Variants in HCRTR2 observed in about 807,000 individuals in gnomAD.
HCRTR2 encodes the protein hypocretin receptor 2.
In HCRTR2, 22 loss-of-function variants were observed where a neutral mutation model predicts 49.0. That is an observed-to-expected ratio of 0.45 (90% confidence interval 0.32 to 0.64). The LOEUF is 0.64. HCRTR2 is among the 30% of genes least tolerant of loss of function. HCRTR2 has a pLI of 0.04. For missense variants in HCRTR2, 491 were observed against 559.4 expected, an observed-to-expected ratio of 0.88 and a Z score of 1.23; for synonymous variants, 236 against 205.3, an observed-to-expected ratio of 1.15 and a Z score of -1.28.
rs1272917600 is a variant in HCRTR2, at chr6:55,258,060, C to T, written c.646+2681C>T. On this transcript the variant is annotated intron_variant, in intron 3 of 6. Transcript: ENST00000370862. Reference sequence around the variant, plus strand: ...TGTAAACTATTTATAAGTCCATGTTCGACTTATAATGTTAAACCTTTGTAT... The same window carrying T: ...TGTAAACTATTTATAAGTCCATGTTTGACTTATAATGTTAAACCTTTGTAT... Among the ~76,000 whole-genome samples the T allele has an allele frequency of 2.4e-4, 37 of 151,840 alleles. 1 individual carries two copies. The highest frequency in any genetic ancestry group is 1.9e-4 in the East Asian group (1 of 5,182).
upstream of HCRTR2, among the ~76,000 whole-genome samples, chr6:55,173,120 G>C (rs1222508653): frequency 6.6e-6 from 1 of 152,234 alleles, no homozygotes; most frequent in Non-Finnish European, 1.5e-5. Flanking sequence ...CGCTGGGGCT[G>C]TGATGTTTAT....
chr6:55,262,739 AATAT>A (rs1235159292), intron 3 of HCRTR2, among the ~76,000 whole-genome samples: 2 of 118,282 alleles, frequency 1.7e-5, no homozygotes, highest in African/African-American at 6.8e-5. Flanking sequence ...TAAGGTAGGG[AATAT>A]ATATATATGT....
chr6:55,248,777 T>C lies in HCRTR2; in HGVS notation c.362T>C (p.Phe121Ser). ...TLVVDITETWFFGQSLCKVIP... is the reference protein window; with the variant it reads ...TLVVDITETWSFGQSLCKVIP... ...GTCGTGGATATCACTGAGACCTGGT[T>C]TTTTGGACAGTCCCTTTGCAAAGTG... Residue 121 changes from phenylalanine to serine, a missense_variant, in exon 2 of 7, where the codon TTT (phenylalanine) becomes TCT (serine). Transcript: ENST00000370862. The C allele has an allele frequency of 6.2e-7, 1 of 1,613,514 alleles. No homozygotes were observed. The highest frequency in any genetic ancestry group is 8.5e-7 in the Non-Finnish European group (1 of 1,179,532).
At chr6:55,273,650 T>G (rs1306955263) in intron 4 of HCRTR2, among the ~76,000 whole-genome samples, 1 of 152,086 alleles carries the variant, frequency 6.6e-6, no homozygotes, top group Non-Finnish European at 1.5e-5. Context: ...AAAGTTTATT[T>G]ATTGATCTTT....
intron 1 of HCRTR2, among the ~76,000 whole-genome samples, chr6:55,185,431 G>A (rs1391396621): frequency 6.6e-6 from 1 of 152,086 alleles, no homozygotes; most frequent in Non-Finnish European, 1.5e-5. Context: ...TTTATAACTT[G>A]TCATTGACAA....
Position 55,123,776 on chromosome 6 carries a change from G to A in HCRTR2, c.-378+17231G>A, listed in dbSNP as rs79999470. Among the ~76,000 whole-genome samples, 1,024 of 152,194 alleles carry A rather than the reference G, an allele frequency of 6.7e-3. 11 individuals are homozygous for A. Among genetic ancestry groups the A allele is most frequent in the African/African-American group, 0.024 (977 of 41,540 alleles). On this transcript the variant is annotated intron_variant, in intron 1 of 7. Coordinates refer to the HCRTR2 transcript ENST00000615358. ...GGTCCTGCACTTATTTTGGTTGACAGGATATTAATTACTGCCTCTATTTCA... is the reference window on the plus strand; with the variant it reads ...GGTCCTGCACTTATTTTGGTTGACAAGATATTAATTACTGCCTCTATTTCA...
upstream of HCRTR2, among the ~76,000 whole-genome samples, chr6:55,170,886 T>A (rs144870624): frequency 6.6e-6 from 1 of 152,020 alleles, no homozygotes; most frequent in East Asian, 1.9e-4. Flanking sequence ...TCCAGCTTCA[T>A]CCATGTCTCT....
chr6:55,142,068 T>A (rs535092388), intron 1 of HCRTR2, among the ~76,000 whole-genome samples: 10 of 152,118 alleles, frequency 6.6e-5, no homozygotes, highest in African/African-American at 2.4e-4. Context: ...TATGCCAACA[T>A]AAAGTAAATT....
At chr6:55,216,884 C>G (rs967479854) in intron 1 of HCRTR2, among the ~76,000 whole-genome samples, 1 of 152,170 alleles carries the variant, frequency 6.6e-6, no homozygotes, top group African/African-American at 2.4e-5. Context: ...CAAGTCTCTG[C>G]CTGGGTCCCC....
chr6:55,153,151 A>G (rs1278599844), intron 1 of HCRTR2, among the ~76,000 whole-genome samples: 1 of 151,974 alleles, frequency 6.6e-6, no homozygotes, highest in African/African-American at 2.4e-5. Flanking sequence ...ACCCTCAGCA[A>G]AGAACAGTTG....
intron 1 of HCRTR2, among the ~76,000 whole-genome samples, chr6:55,133,401 A>G (rs1041060111): frequency 2.0e-5 from 3 of 151,852 alleles, no homozygotes; most frequent in Admixed American, 6.6e-5. Context: ...ACACACACAC[A>G]CACACATCAA....
chr6:55,256,549 T>A (rs2127318193), intron 3 of HCRTR2, among the ~76,000 whole-genome samples: 1 of 152,288 alleles, frequency 6.6e-6, no homozygotes, highest in African/African-American at 2.4e-5. Flanking sequence ...TAAAATTTTA[T>A]AATTTGCTTT....
At chr6:55,154,420 T>C (rs868021049) in intron 1 of HCRTR2, among the ~76,000 whole-genome samples, 4 of 151,958 alleles carry the variant, frequency 2.6e-5, no homozygotes, top group Middle Eastern at 3.4e-3. Flanking sequence ...AAAAAGATCA[T>C]ATAGCATGAC....
chr6:55,284,289 T>TA (rs1447172719), downstream of HCRTR2, among the ~76,000 whole-genome samples: 1 of 152,130 alleles, frequency 6.6e-6, no homozygotes, highest in Non-Finnish European at 1.5e-5. Context: ...ATGTGACGTA[T>TA]GGGAAGTCAG....
intron 1 of HCRTR2, among the ~76,000 whole-genome samples, chr6:55,124,209 A>T (rs1329456548): frequency 1.3e-5 from 2 of 151,692 alleles, no homozygotes; most frequent in Non-Finnish European, 2.9e-5. Flanking sequence ...TTGGTGTCAG[A>T]GTGTTGATTT....
intron 3 of HCRTR2, 128 bp downstream of exon 3, chr6:55,255,507 G>T: frequency 1.9e-6 from 2 of 1,073,648 alleles, no homozygotes; most frequent in South Asian, 2.6e-5. Context: ...TTTTGCAAGA[G>T]CATGAAAACC....
At chr6:55,127,418 A>G (rs942116295) in intron 1 of HCRTR2, among the ~76,000 whole-genome samples, 21 of 152,016 alleles carry the variant, frequency 1.4e-4, no homozygotes, top group African/African-American at 1.9e-4. Flanking sequence ...ACCTGCCCCA[A>G]TGAGATGAAC....
intron 1 of HCRTR2, among the ~76,000 whole-genome samples, chr6:55,242,287 G>T (rs1008552945): frequency 2.6e-5 from 4 of 152,032 alleles, no homozygotes; most frequent in African/African-American, 9.7e-5. Context: ...TGCAACCATC[G>T]TCACTATCCA....
intron 5 of HCRTR2, among the ~76,000 whole-genome samples, chr6:55,278,717 GCTT>G (rs77609289): frequency 0.21 from 29,732 of 142,666 alleles, 3,524 homozygotes; most frequent in East Asian, 0.3. Context: ...TTTGTGCTTT[GCTT>G]CTTATTAATT....
Sources: gnomAD v4.1 joint callset for allele counts (sites outside exome capture counted in the v4.1 genomes callset) on GRCh38, gnomAD v4.1.1 for gene constraint, MANE v1.5 for transcripts, NCBI Gene and HGNC (gene_info 2026-07-23, HGNC 2026-07-21) for gene names.